Variants in PRKCH observed in about 807,000 individuals in gnomAD.
The protein encoded by PRKCH is protein kinase C eta.
PRKCH carries 28 observed loss-of-function variants against 82.5 expected under a neutral mutation model. The observed-to-expected ratio is 0.34, with a 90% CI of 0.25 to 0.47. The LOEUF (loss-of-function observed/expected upper bound fraction) is 0.47, where lower values mean the gene tolerates loss of function less well. Among genes scored for constraint, PRKCH ranks in the 20% least tolerant of loss-of-function variants. The probability of loss-of-function intolerance (pLI) is 1.00; values close to 1 mark genes in which losing one functional copy is unlikely to be tolerated. For missense variants in PRKCH, 705 were observed against 881.8 expected, an observed-to-expected ratio of 0.80 and a Z score of 2.54; for synonymous variants, 322 against 327.4, an observed-to-expected ratio of 0.98 and a Z score of 0.18.
intron 9 of PRKCH, among the ~76,000 whole-genome samples, chr14:61,483,494 TATTAA>T (rs1886073239): frequency 2.0e-5 from 3 of 152,274 alleles, no homozygotes; most frequent in Non-Finnish European, 2.9e-5. Context: ...CCTTCTTCAC[TATTAA>T]ATTCTTGCTT....
rs566973459 is a variant in PRKCH at position 61,304,257 on chromosome 14, A to G, written c.-19+116589A>G. ...TCCTTTTTTGTTATTGCTGTCATGT[A>G]TTTTACTTCTACATGAATTGAGAGT... On this transcript the variant is annotated intron_variant, in intron 1 of 3. Transcript: ENST00000555185. The G allele has an allele frequency of 8.5e-5, 13 of 152,152 alleles. No individual in the cohort carries two copies. The South Asian group carries it at 2.5e-3, about 29-fold the overall frequency. 9.4% of individuals were successfully genotyped at this position (152,152 alleles called of 1,614,324 possible).
chr14:61,547,648 C>T (rs2043275467), intron 12 of PRKCH, 95 bp from the exon 13 acceptor site: 19 of 1,468,028 alleles, frequency 1.3e-5, no homozygotes, highest in Middle Eastern at 1.8e-4. Context: ...CAGAAAGTCT[C>T]GCACAGCTCC....
intron 1 of PRKCH, among the ~76,000 whole-genome samples, chr14:61,370,230 A>G (rs958910394): frequency 1.3e-5 from 2 of 152,160 alleles, no homozygotes; most frequent in Non-Finnish European, 2.9e-5. Context: ...GGCGTGAGCC[A>G]CCGCACCCGG....
chr14:61,239,438 A>G (rs1344181395), intron 1 of PRKCH, among the ~76,000 whole-genome samples: 1 of 152,194 alleles, frequency 6.6e-6, no homozygotes, highest in Non-Finnish European at 1.5e-5. Flanking sequence ...GGGGTTTTAT[A>G]GTCTCCTGTA....
intron 1 of PRKCH, among the ~76,000 whole-genome samples, chr14:61,286,699 C>T (rs1445934104): frequency 6.6e-6 from 1 of 152,046 alleles, no homozygotes; most frequent in Non-Finnish European, 1.5e-5. Context: ...TCGCTTGAAC[C>T]TGGGAGGTGG....
At chr14:61,329,254 T>TTTG (rs1555375988) in intron 1 of PRKCH, among the ~76,000 whole-genome samples, 1 of 122,516 alleles carries the variant, frequency 8.2e-6, no homozygotes, top group Non-Finnish European at 1.7e-5. Flanking sequence ...TTTTTTTTTT[T>TTTG]GAGACAGAAT....
intron 1 of PRKCH, among the ~76,000 whole-genome samples, chr14:61,352,684 G>GA (rs1345860123): frequency 4.1e-5 from 4 of 97,556 alleles, no homozygotes; most frequent in South Asian, 3.4e-4. Context: ...GAGAGAGAAA[G>GA]GAAAGGAAAG....
intron 1 of PRKCH, among the ~76,000 whole-genome samples, chr14:61,371,478 G>T (rs2046363727): frequency 6.6e-6 from 1 of 151,988 alleles, no homozygotes; most frequent in South Asian, 2.1e-4. Flanking sequence ...TGGTGAGCTT[G>T]ACAGCTTGAC....
intron 9 of PRKCH, chr14:61,462,982 G>A (rs1475640099): frequency 2.0e-5 from 3 of 152,224 alleles, no homozygotes; most frequent in African/African-American, 7.2e-5. Flanking sequence ...CATTTAGTTG[G>A]TTGATTCAGC....
chr14:61,206,372 C>T (rs1454238687), intron 1 of PRKCH, among the ~76,000 whole-genome samples: 1 of 152,216 alleles, frequency 6.6e-6, no homozygotes, highest in African/African-American at 2.4e-5. Flanking sequence ...CTGCCTCCAT[C>T]TTGACATTGC....
At chr14:61,436,634 G>A (rs890552416) in intron 2 of PRKCH, among the ~76,000 whole-genome samples, 2 of 152,160 alleles carry the variant, frequency 1.3e-5, no homozygotes, top group African/African-American at 4.8e-5. Flanking sequence ...CCAGGTTCAA[G>A]CAATCCTCCT....
In PRKCH at chr14:61,445,798, A is replaced by G. The variant is rs908575796; in HGVS notation, c.613+72A>G. 7.0e-6 allele frequency: 10 copies of G among 1,430,338 alleles called. No individual in the cohort carries two copies. In the African/African-American group the frequency reaches 1.4e-4, roughly 20 times the overall value. The allele number at this position is 1,430,338 out of a possible 1,614,324, so 88.6% of individuals were successfully genotyped here. A position where few individuals can be genotyped will look rare whatever the true frequency, so the allele number is the denominator to read the frequency against. The stretch of plus-strand genomic sequence containing the variant: ...AAAGAAATGATTATACCAAGAGAAA[A>G]CAGGGTATCTTCCCTTAATATTGTG... On this transcript the variant is annotated intron_variant, in intron 4 of 13. Transcript: ENST00000332981.
chr14:61,258,099 A>G lies in PRKCH; in HGVS notation c.-19+70431A>G, dbSNP rs141491602. Among the ~76,000 whole-genome samples, 75 of 152,354 alleles carry G rather than the reference A, an allele frequency of 4.9e-4. No homozygotes were observed. In the East Asian group the frequency reaches 0.013, roughly 27 times the overall value. The stretch of plus-strand genomic sequence containing the variant: ...AATTAATTTTCAATAAAAACTCGCA[A>G]TAGTTAATTTGCTCTAGACCCCAAT... On this transcript the variant is annotated intron_variant, in intron 1 of 3. Coordinates refer to the PRKCH transcript ENST00000555185.
intron 1 of PRKCH, among the ~76,000 whole-genome samples, chr14:61,313,975 C>T (rs12586429): frequency 0.51 from 78,080 of 152,082 alleles, 24,100 homozygotes; most frequent in Non-Finnish European, 0.67. Context: ...TGTGCCACCA[C>T]GCCCAGCTAA....
intron 10 of PRKCH, among the ~76,000 whole-genome samples, chr14:61,491,219 A>T (rs540761417): frequency 1.3e-5 from 2 of 152,186 alleles, no homozygotes; most frequent in African/African-American, 4.8e-5. Context: ...AGTGAGGAAA[A>T]TCTTTTTAGA....
At chr14:61,323,690 G>A (rs915955632) in intron 1 of PRKCH, among the ~76,000 whole-genome samples, 4 of 152,192 alleles carry the variant, frequency 2.6e-5, no homozygotes, top group African/African-American at 9.7e-5. Flanking sequence ...AAACCATAAT[G>A]ACTAACCTTA....
intron 1 of PRKCH, chr14:61,298,370 A>G (rs1397163347): frequency 6.6e-6 from 1 of 152,230 alleles, no homozygotes; most frequent in African/African-American, 2.4e-5. Flanking sequence ...CTCTCAGGGA[A>G]TGCCGCCGTC....
chr14:61,245,503 G>A (rs1020179814), intron 1 of PRKCH, among the ~76,000 whole-genome samples: 2 of 152,260 alleles, frequency 1.3e-5, no homozygotes, highest in African/African-American at 4.8e-5. Context: ...TTCGTGAGAT[G>A]TGGGCAGGTA....
chr14:61,380,936 G>A (rs577683385), intron 1 of PRKCH, among the ~76,000 whole-genome samples: 4 of 152,188 alleles, frequency 2.6e-5, no homozygotes, highest in African/African-American at 9.7e-5. Context: ...ACTGGGATCT[G>A]ACTTGAAGTA....
Sources: allele counts gnomAD v4.1 joint callset (sites outside exome capture counted in the v4.1 genomes callset), GRCh38; gene constraint gnomAD v4.1.1; transcripts MANE v1.5; gene names NCBI Gene and HGNC (gene_info 2026-07-23, HGNC 2026-07-21).